The following PSMD4 variants were observed in gnomAD, a reference collection of about 807,000 sequenced individuals.
The protein encoded by PSMD4 is proteasome 26S subunit ubiquitin receptor, non-ATPase 4, also known as 26S proteasome non-ATPase regulatory subunit 4.
PSMD4 carries 5 observed loss-of-function variants against 39.7 expected under a neutral mutation model. The ratio of observed to expected loss-of-function variants is 0.13; its 90% CI spans 0.07 to 0.26. PSMD4 has a LOEUF of 0.26. PSMD4 is among the 10% of genes least tolerant of loss of function. The pLI is 1.00. For synonymous variants in PSMD4, 143 were observed against 174.6 expected, an observed-to-expected ratio of 0.82 and a Z score of 1.43; for missense variants, 272 against 486.1, an observed-to-expected ratio of 0.56 and a Z score of 4.14.
chr1:151,261,002 T>C (rs1026386482), intron 1 of PSMD4, among the ~76,000 whole-genome samples: 6 of 151,530 alleles, frequency 4.0e-5, no homozygotes, highest in African/African-American at 1.2e-4. Context: ...TGCGCCACCA[T>C]ACCTGGCTAA....
chr1:151,262,370 C>T, intron 2 of PSMD4, 69 bp downstream of exon 2: 2 of 1,585,504 alleles, frequency 1.3e-6, no homozygotes, highest in Non-Finnish European at 1.7e-6. Context: ...TCTTTAGATT[C>T]CATGAAGCTG....
intron 9 of PSMD4, 95 bp from the exon 10 acceptor site, chr1:151,267,078 A>AG: frequency 7.0e-7 from 1 of 1,433,794 alleles, no homozygotes; most frequent in South Asian, 1.2e-5. Context: ...GTCAGAAGGC[A>AG]GGGGGCCTCT....
chr1:151,266,957 T>A (rs947319503), intron 9 of PSMD4: 1 of 720,238 alleles, frequency 1.4e-6, no homozygotes, highest in African/African-American at 1.7e-5. Context: ...TTAACAGAGT[T>A]CTCAGCAGGC....
chr1:151,265,067 T>C, intron 4 of PSMD4, 99 bp from the exon 5 acceptor site: 1 of 1,306,792 alleles, frequency 7.7e-7, no homozygotes. Context: ...TGGAGGACCT[T>C]GGGGAGGTCA....
chr1:151,261,327 C>T (rs1470585330), intron 1 of PSMD4, among the ~76,000 whole-genome samples: 1 of 151,790 alleles, frequency 6.6e-6, no homozygotes, highest in Non-Finnish European at 1.5e-5. Context: ...AGGCATGTGC[C>T]ACCACGCCCA....
At position 151,263,989 on chromosome 1, in the gene PSMD4, G is replaced by A. The variant is rs150267583; in HGVS notation, c.243G>A (p.Lys81=). ...CCAAGCTACATACTGTCCAACCCAA[G>A]GGCAAGATCACCTTCTGCACGGGCA... ...ILSKLHTVQP[K]GKITFCTGIR... is the part of the protein sequence containing the mutation. Residue 81 remains lysine, a synonymous_variant, in exon 3 of 10, where the codon AAG becomes AAA. Coordinates refer to ENST00000368884, the MANE Select transcript of PSMD4 (RefSeq NM_002810.4). The A allele has an allele frequency of 5.0e-5, 80 of 1,604,970 alleles. No homozygotes were observed. In the African/African-American group the frequency reaches 1.0e-3, roughly 21 times the overall value.
chr1:151,263,916 A>G lies in PSMD4; in HGVS notation c.170A>G (p.Asp57Gly). 3 of 1,573,968 alleles carry G rather than the reference A, an allele frequency of 1.9e-6. No homozygotes were observed. The highest frequency in any genetic ancestry group is 2.6e-6 in the Non-Finnish European group (3 of 1,157,984). ...GAAATGCTTTTCCTACATCCCAGTGACTGTGAAGTGCTGACCACACTCACC... is the reference window on the plus strand; with the variant it reads ...GAAATGCTTTTCCTACATCCCAGTGGCTGTGAAGTGCTGACCACACTCACC... The part of the protein sequence containing the change: ...NNVGLITLAN[D>G]CEVLTTLTPD... The change falls in exon 3 of 10, where the codon GAC becomes GGC. Residue 57 changes from aspartate (D) to glycine (G), a missense_variant and splice_region_variant. Asp to Gly is a moderately conservative substitution (Grantham distance 94). Around this residue, in one of 3 missense-constraint regions of PSMD4, gnomAD observed 153 missense variants for 257.6 expected, o/e 0.59. Transcript: ENST00000368884.
chr1:151,266,976 T>C, intron 9 of PSMD4, 197 bp from the exon 10 acceptor site: 1 of 739,764 alleles, frequency 1.4e-6, no homozygotes, highest in Non-Finnish European at 2.5e-6. Context: ...GCCCCTCTAT[T>C]TGGTTAGTAA....
At chr1:151,257,356 T>A (rs1002855022) in intron 1 of PSMD4, among the ~76,000 whole-genome samples, 5 of 152,196 alleles carry the variant, frequency 3.3e-5, no homozygotes. Context: ...AAGTAATAGT[T>A]TGAAGTTGGG....
rs759525041 is a variant in PSMD4 at position 151,266,088 on chromosome 1, G to A, written c.739G>A (p.Gly247Arg). The A allele has an allele frequency of 9.3e-6, 15 of 1,606,594 alleles. No individual in the cohort carries two copies. Among genetic ancestry groups the A allele is most frequent in the Admixed American group, 5.1e-5 (3 of 58,540 alleles). The change falls in exon 7 of 10, where the codon GGG becomes AGG. Residue 247 changes from glycine (G) to arginine (R), a missense_variant. Gly to Arg is a moderately radical substitution (Grantham distance 125). This residue lies in a region of PSMD4 where 113 missense variants were observed against 184.6 expected (regional missense o/e 0.61). Transcript: ENST00000368884. The stretch of plus-strand genomic sequence containing the variant: ...AGCTGCAGCTTCTGCTGCTGAGGCC[G>A]GGATTGCTACGACTGGGACTGAAGG... ...RAAAASAAEA[G>R]IATTGTEDSD...
rs1325000602 is a variant in PSMD4 at position 151,265,171 on chromosome 1, GAAACTGGCT to G, written c.380_388del (p.Leu127_Lys129del). The G allele has an allele frequency of 6.2e-7, 1 of 1,612,040 alleles. No homozygotes were observed. The highest frequency in any genetic ancestry group is 8.5e-7 in the Non-Finnish European group (1 of 1,179,286). ...TTTTCTCCCCTTCTTCCCAGCTGGT[GAAACTGGCT>G]AAACGCCTCAAGAAGGAGAAAGTAA... On this transcript the variant is annotated inframe_deletion, in exon 5 of 10. Coordinates refer to ENST00000368884, the MANE Select transcript of PSMD4 (RefSeq NM_002810.4).
chr1:151,263,480 A>T (rs1303228271), intron 2 of PSMD4, among the ~76,000 whole-genome samples: 1 of 150,490 alleles, frequency 6.6e-6, no homozygotes, highest in Non-Finnish European at 1.5e-5. Context: ...AAAAAAGAAG[A>T]ATAGAGATTA....
intron 3 of PSMD4, 143 bp from the exon 4 acceptor site, chr1:151,264,689 G>C: frequency 3.1e-6 from 2 of 636,358 alleles, no homozygotes; most frequent in South Asian, 3.6e-5. Flanking sequence ...GAGGAGGTGG[G>C]GGTGTTAAAT....
intron 6 of PSMD4, among the ~76,000 whole-genome samples, 169 bp downstream of exon 6, chr1:151,265,778 G>A (rs146268791): frequency 6.6e-6 from 1 of 152,218 alleles, no homozygotes; most frequent in East Asian, 1.9e-4. Flanking sequence ...TGATCTCTAG[G>A]GGCACCAGTG....
rs770805724 is a variant in PSMD4, at chr1:151,265,374, A to G, written c.439-20A>G. 10 of 1,612,574 alleles carry G rather than the reference A, an allele frequency of 6.2e-6. No homozygotes were observed. In the South Asian group the frequency reaches 1.1e-4, roughly 18 times the overall value. On this transcript the variant is annotated intron_variant, in intron 5 of 9. Transcript: ENST00000368884. ...GGAGCAAGGCCTGAAGAAGGGCATC[A>G]TGTGTTCTTTCCTCCCCAGGAGGTG...
chr1:151,259,935 ATGCCTGTAATCCC>A (rs1481139436), intron 1 of PSMD4, among the ~76,000 whole-genome samples: 18 of 152,118 alleles, frequency 1.2e-4, no homozygotes, highest in African/African-American at 4.1e-4. Context: ...GTGGTGGCTC[ATGCCTGTAATCCC>A]AGCACTTTGG....
intron 1 of PSMD4, among the ~76,000 whole-genome samples, 178 bp from the exon 2 acceptor site, chr1:151,261,983 G>T (rs587655138): frequency 6.7e-6 from 1 of 150,264 alleles, no homozygotes; most frequent in South Asian, 2.1e-4. Context: ...ATTCCTCATT[G>T]GTTATTCTGA....
At chr1:151,255,395 A>G (rs1194270102) in intron 1 of PSMD4, among the ~76,000 whole-genome samples, 1 of 152,218 alleles carries the variant, frequency 6.6e-6, no homozygotes, top group Admixed American at 6.5e-5. Flanking sequence ...CCAAAATCAT[A>G]CAGCTAGTTA....
chr1:151,262,005 T>C (rs1693331446), intron 1 of PSMD4, among the ~76,000 whole-genome samples, 156 bp from the exon 2 acceptor site: 1 of 150,176 alleles, frequency 6.7e-6, no homozygotes, highest in South Asian at 2.1e-4. Flanking sequence ...TCAATAAATG[T>C]GGGCTAAGGC....
Sources: allele counts gnomAD v4.1 joint callset (sites outside exome capture counted in the v4.1 genomes callset), GRCh38; gene constraint gnomAD v4.1.1; regional missense constraint gnomAD v4.1.1; transcripts MANE v1.5; gene names NCBI Gene and HGNC (gene_info 2026-07-23, HGNC 2026-07-21).